DCUN1D3: variants seen among roughly 807,000 people sequenced by gnomAD.
DCUN1D3 encodes the protein DCN1-like protein 3.
A neutral mutation model predicts 24.8 loss-of-function variants in DCUN1D3; 6 were observed. The observed-to-expected ratio is 0.24, with a 90% confidence interval of 0.13 to 0.48. DCUN1D3 has a LOEUF of 0.48. Among genes scored for constraint, DCUN1D3 ranks in the 20% least tolerant of loss-of-function variants. The pLI is 0.99. For synonymous variants in DCUN1D3, 120 were observed against 144.9 expected (o/e 0.83, Z 1.24); for missense variants, 258 against 379.4 (o/e 0.68, Z 2.66).
intron 2 of DCUN1D3, 56 bp downstream of exon 2, chr16:20,862,045 CTGCCCAA>C: frequency 1.3e-6 from 2 of 1,553,604 alleles, no homozygotes; most frequent in Non-Finnish European, 1.8e-6. Context: ...CTGGGCACCA[CTGCCCAA>C]TGCTGTTCCC....
intron 1 of DCUN1D3, among the ~76,000 whole-genome samples, chr16:20,888,211 C>CA (rs1156618414): frequency 6.6e-6 from 1 of 152,126 alleles, no homozygotes; most frequent in Non-Finnish European, 1.5e-5. Context: ...GCCATGTAGC[C>CA]AATAATAGCT....
chr16:20,896,928 G>A (rs1174585547), intron 1 of DCUN1D3, among the ~76,000 whole-genome samples: 4 of 152,094 alleles, frequency 2.6e-5, no homozygotes, highest in South Asian at 2.1e-4. Context: ...GATCTACCTC[G>A]TCCCCTTCAT....
At chr16:20,881,642 A>G (rs2081844225) in intron 1 of DCUN1D3, among the ~76,000 whole-genome samples, 1 of 150,378 alleles carries the variant, frequency 6.6e-6, no homozygotes, top group Admixed American at 6.6e-5. Context: ...CTCCACAGCT[A>G]CTCTCGGAGG....
chr16:20,875,776 ATGGGGT>A (rs746505174), intron 1 of DCUN1D3, among the ~76,000 whole-genome samples: 22 of 152,078 alleles, frequency 1.4e-4, no homozygotes, highest in Non-Finnish European at 2.1e-4. Flanking sequence ...AAAGAGACAA[ATGGGGT>A]TATATCAAGC....
intron 1 of DCUN1D3, among the ~76,000 whole-genome samples, chr16:20,891,410 ACTAT>A (rs2081891856): frequency 6.6e-6 from 1 of 152,246 alleles, no homozygotes. Context: ...GTCAAGAGCC[ACTAT>A]CCAGTGTTCT....
intron 1 of DCUN1D3, among the ~76,000 whole-genome samples, chr16:20,871,114 G>A (rs1334191143): frequency 1.3e-5 from 2 of 152,234 alleles, no homozygotes; most frequent in Non-Finnish European, 2.9e-5. Flanking sequence ...AGTTGCTGCT[G>A]CCACTTCCAA....
At position 20,862,662 on chromosome 16, in the gene DCUN1D3, G is replaced by A. The variant is rs2081739695; in HGVS notation, c.-105-19C>T. On this transcript the variant is annotated intron_variant, in intron 1 of 2. Coordinates refer to ENST00000324344, the MANE Select transcript of DCUN1D3 (RefSeq NM_173475.4). The stretch of plus-strand genomic sequence containing the variant: ...AGCCAACCTGGAAGGAAATTAGAAA[G>A]CCATCACCTCTGGGTGGGGGAAATG... 6.6e-7 allele frequency: 1 copy of A among 1,512,726 alleles called. No individual in the cohort carries two copies. The highest frequency in any genetic ancestry group is 8.8e-7 in the Non-Finnish European group (1 of 1,141,678). The allele number at this position is 1,512,726 out of a possible 1,614,324, so 93.7% of individuals were successfully genotyped here. A position where few individuals can be genotyped will look rare whatever the true frequency, so the allele number is the denominator to read the frequency against.
At position 20,856,222 on chromosome 16, in the gene DCUN1D3, G is replaced by A. The variant is rs1373072484; in HGVS notation, c.*3664C>T. On this transcript the variant is annotated 3_prime_UTR_variant, in exon 3 of 3. Coordinates refer to ENST00000324344, the MANE Select transcript of DCUN1D3 (RefSeq NM_173475.4). Reference sequence around the variant, plus strand: ...ACTTAATGGCAATACATTAAGTATGGCAAAAACTTACTTTTGCACCAACCT... The same window carrying A: ...ACTTAATGGCAATACATTAAGTATGACAAAAACTTACTTTTGCACCAACCT... 6.6e-6 allele frequency: 1 copy of A among 152,022 alleles called. No homozygotes were observed. Among genetic ancestry groups the A allele is most frequent in the Non-Finnish European group, 1.5e-5 (1 of 68,006 alleles). 9.4% of individuals were successfully genotyped at this position (152,022 alleles called of 1,614,324 possible). A position where few individuals can be genotyped will look rare whatever the true frequency, so the allele number is the denominator to read the frequency against.
Position 20,862,541 on chromosome 16 carries a change from T to TGC in DCUN1D3, c.-5_-4dup. ...CACTTGGTGACACACTGGCCCATGG[T>TGC]GCTGGTGGCCTGGCCTCTAGAGTGG... On this transcript the variant is annotated 5_prime_UTR_variant, in exon 2 of 3. Coordinates refer to ENST00000324344, the MANE Select transcript of DCUN1D3 (RefSeq NM_173475.4). 6.3e-7 allele frequency: 1 copy of TGC among 1,598,488 alleles called. No individual in the cohort carries two copies. The highest frequency in any genetic ancestry group is 8.5e-7 in the Non-Finnish European group (1 of 1,177,870).
intron 1 of DCUN1D3, among the ~76,000 whole-genome samples, chr16:20,881,879 T>C (rs1371893844): frequency 6.6e-6 from 1 of 152,186 alleles, no homozygotes; most frequent in Non-Finnish European, 1.5e-5. Context: ...TTTGGCTCAC[T>C]GCAACCTCCG....
At chr16:20,882,406 C>A (rs2081848866) in intron 1 of DCUN1D3, among the ~76,000 whole-genome samples, 2 of 151,936 alleles carry the variant, frequency 1.3e-5, no homozygotes, top group Admixed American at 1.3e-4. Context: ...GCATGTGCCA[C>A]CACACTCTGC....
At chr16:20,868,189 G>A (rs2081771684) in intron 1 of DCUN1D3, among the ~76,000 whole-genome samples, 1 of 152,242 alleles carries the variant, frequency 6.6e-6, no homozygotes. Context: ...GAAGTGGACA[G>A]CCTCAGCACA....
intron 1 of DCUN1D3, among the ~76,000 whole-genome samples, chr16:20,899,700 C>T (rs1404529198): frequency 6.6e-6 from 1 of 152,202 alleles, no homozygotes; most frequent in African/African-American, 2.4e-5. Flanking sequence ...CAGGCAAAGC[C>T]TCCAGCCTCA....
chr16:20,870,571 G>A (rs548087687), intron 1 of DCUN1D3, among the ~76,000 whole-genome samples: 20 of 152,184 alleles, frequency 1.3e-4, no homozygotes, highest in Non-Finnish European at 2.8e-4. Context: ...GAAATGAGGA[G>A]CTAAAAAACA....
intron 1 of DCUN1D3, among the ~76,000 whole-genome samples, chr16:20,898,366 C>T (rs1263285859): frequency 6.6e-6 from 1 of 152,130 alleles, no homozygotes; most frequent in Admixed American, 6.6e-5. Flanking sequence ...TCTCTCTGTC[C>T]CCAGCTCCCA....
At chr16:20,870,587 C>G (rs1391155629) in intron 1 of DCUN1D3, among the ~76,000 whole-genome samples, 4 of 152,140 alleles carry the variant, frequency 2.6e-5, no homozygotes, top group Non-Finnish European at 5.9e-5. Context: ...AAACAGGAGG[C>G]AAATGCTGGC....
intron 1 of DCUN1D3, among the ~76,000 whole-genome samples, chr16:20,883,394 T>C (rs943206915): frequency 6.6e-6 from 1 of 152,054 alleles, no homozygotes; most frequent in African/African-American, 2.4e-5. Context: ...GCACCTGTAG[T>C]CCCAGCTACT....
chr16:20,860,077 T>C lies in DCUN1D3; in HGVS notation c.724A>G (p.Thr242Ala). Residue 242 changes from threonine to alanine, a missense_variant, in exon 3 of 3, where the codon ACT (threonine) becomes GCT (alanine). Coordinates refer to ENST00000324344, the MANE Select transcript of DCUN1D3 (RefSeq NM_173475.4). The surrounding 1 kb of genome is among the most constrained non-coding windows in gnomAD (Gnocchi z 4.3). ...GTGAAGTTAAGGAACATGTTCCAAG[T>C]GTCCCGGGAGATGCCCTTGATCCCC... ...PSGIKGISRDTWNMFLNFTQV... is the reference protein window; with the variant it reads ...PSGIKGISRDAWNMFLNFTQV... 6.2e-7 allele frequency: 1 copy of C among 1,614,252 alleles called. No homozygotes were observed. The highest frequency in any genetic ancestry group is 8.5e-7 in the Non-Finnish European group (1 of 1,180,042).
chr16:20,880,707 G>A (rs1418004046), intron 1 of DCUN1D3, among the ~76,000 whole-genome samples: 1 of 149,918 alleles, frequency 6.7e-6, no homozygotes, highest in Non-Finnish European at 1.5e-5. Flanking sequence ...TGGAAAATAA[G>A]CACCTACTAT....
Sources: allele counts gnomAD v4.1 joint callset (sites outside exome capture counted in the v4.1 genomes callset), GRCh38; gene constraint gnomAD v4.1.1; non-coding constraint Gnocchi (gnomAD v3.1); transcripts MANE v1.5; gene names NCBI Gene and HGNC (gene_info 2026-07-23, HGNC 2026-07-21).